COL23A1: variants seen among roughly 807,000 people sequenced by gnomAD.
COL23A1 encodes collagen alpha-1(XXIII) chain.
A neutral mutation model predicts 99.3 loss-of-function variants in COL23A1; 97 were observed. That is an observed-to-expected ratio of 0.98 (90% confidence interval 0.83 to 1.16). The LOEUF is 1.16. COL23A1 is among the 50% of genes most tolerant of loss of function. COL23A1 has a pLI of 0.00. For synonymous variants in COL23A1, 320 were observed against 308.2 expected, an observed-to-expected ratio of 1.04 and a Z score of -0.40; for missense variants, 762 against 757.4, an observed-to-expected ratio of 1.01 and a Z score of -0.07.
intron 2 of COL23A1, among the ~76,000 whole-genome samples, chr5:178,548,760 C>A (rs1430893769): frequency 1.3e-5 from 2 of 151,964 alleles, no homozygotes; most frequent in Admixed American, 6.6e-5. Flanking sequence ...ATTGTTTTTT[C>A]ATTTTGTCAC....
intron 2 of COL23A1, among the ~76,000 whole-genome samples, chr5:178,531,256 A>T (rs146821241): frequency 5.3e-5 from 8 of 152,340 alleles, no homozygotes; most frequent in Admixed American, 1.3e-4. Flanking sequence ...TGTAGAGATA[A>T]TACAGTTCAA....
At chr5:178,585,847 G>T (rs1017609389) in intron 1 of COL23A1, among the ~76,000 whole-genome samples, 1 of 152,188 alleles carries the variant, frequency 6.6e-6, no homozygotes, top group African/African-American at 2.4e-5. Context: ...GATGAGTCAA[G>T]ATTGGCCAAA....
At chr5:178,268,352 C>A (rs1377716477) in intron 7 of COL23A1, among the ~76,000 whole-genome samples, 2 of 152,182 alleles carry the variant, frequency 1.3e-5, no homozygotes, top group Non-Finnish European at 2.9e-5. Flanking sequence ...TCCGCCTTGT[C>A]TTCCTGATGG....
At chr5:178,485,175 A>G (rs1757550930) in intron 2 of COL23A1, among the ~76,000 whole-genome samples, 3 of 152,210 alleles carry the variant, frequency 2.0e-5, no homozygotes. Context: ...TTTGTTTGTA[A>G]AGAAATGTCA....
intron 5 of COL23A1, among the ~76,000 whole-genome samples, chr5:178,278,914 T>C (rs2913837): frequency 0.86 from 131,248 of 152,232 alleles, 56,810 homozygotes; most frequent in Non-Finnish European, 0.9. Context: ...AGCCCTGGGG[T>C]AAATGAAGCC....
chr5:178,376,971 C>T (rs1763101535), intron 2 of COL23A1, among the ~76,000 whole-genome samples: 1 of 152,214 alleles, frequency 6.6e-6, no homozygotes, highest in Non-Finnish European at 1.5e-5. Context: ...GCCCTCCCTC[C>T]CCTCGGCACA....
At chr5:178,539,471 G>A (rs1290206506) in intron 2 of COL23A1, among the ~76,000 whole-genome samples, 5 of 146,916 alleles carry the variant, frequency 3.4e-5, no homozygotes, top group South Asian at 2.1e-4. Context: ...ACTTGAACCC[G>A]GGAGGCGGAG....
intron 2 of COL23A1, among the ~76,000 whole-genome samples, chr5:178,491,143 T>C (rs185128823): frequency 1.7e-4 from 24 of 143,376 alleles, no homozygotes; most frequent in African/African-American, 5.2e-4. Flanking sequence ...GACAAAGAGA[T>C]AGGAGGAGAA....
chr5:178,436,426 G>C (rs568543077), intron 2 of COL23A1, among the ~76,000 whole-genome samples: 1 of 151,890 alleles, frequency 6.6e-6, no homozygotes, highest in Admixed American at 6.6e-5. Context: ...GGGTGGGGTC[G>C]GGGTGGCTGG....
chr5:178,508,229 TAA>T (rs944421995), intron 2 of COL23A1, among the ~76,000 whole-genome samples: 58 of 152,344 alleles, frequency 3.8e-4, no homozygotes, highest in African/African-American at 1.3e-3. Flanking sequence ...ATTTCTGTAT[TAA>T]GACTCTATTC....
At chr5:178,267,399 G>C in intron 7 of COL23A1, 66 bp from the exon 8 acceptor site, 4 of 1,541,894 alleles carry the variant, frequency 2.6e-6, no homozygotes, top group Non-Finnish European at 2.7e-6. Flanking sequence ...TTCCCGTCGG[G>C]CATCTGTGCC....
intron 2 of COL23A1, among the ~76,000 whole-genome samples, chr5:178,526,861 C>T (rs1040594030): frequency 2.0e-5 from 3 of 152,216 alleles, no homozygotes; most frequent in African/African-American, 4.8e-5. Context: ...GTCCATCGCA[C>T]GCTCCTGCAC....
In COL23A1 at chr5:178,310,644, G is replaced by A. The variant is rs1020289312; in HGVS notation, c.362-3725C>T. On this transcript the variant is annotated intron_variant, in intron 2 of 28. Transcript: ENST00000390654. This position sits in a 1 kb window ranked among gnomAD's most constrained non-coding sequence, Gnocchi z 4.3. ...GAGCTACCGGGCAGGCGGCCTTGGC[G>A]ACCAGGGAGGCTGTTCCTCTGGGGA... 1.4e-4 allele frequency among the ~76,000 whole-genome samples: 21 copies of A among 152,254 alleles called. No homozygotes were observed. The highest frequency in any genetic ancestry group is 7.2e-4 in the Admixed American group (11 of 15,304).
At chr5:178,249,683 A>AAC (rs746295532) in intron 18 of COL23A1, among the ~76,000 whole-genome samples, 15,924 of 117,550 alleles carry the variant, frequency 0.14, 1,219 homozygotes, top group African/African-American at 0.16. Flanking sequence ...TGTATAGGAT[A>AAC]ACACACACAC....
intron 1 of COL23A1, among the ~76,000 whole-genome samples, chr5:178,574,341 C>T (rs961380334): frequency 6.6e-6 from 1 of 151,704 alleles, no homozygotes; most frequent in Non-Finnish European, 1.5e-5. Flanking sequence ...TGTCAACATC[C>T]ATCTAACTCT....
chr5:178,314,703 C>T (rs941999073), intron 2 of COL23A1, among the ~76,000 whole-genome samples: 4 of 152,194 alleles, frequency 2.6e-5, no homozygotes, highest in Non-Finnish European at 5.9e-5. Context: ...GCCCCAATCT[C>T]GAGTCTACGG....
chr5:178,478,234 C>T (rs1284139839), intron 2 of COL23A1, among the ~76,000 whole-genome samples: 1 of 152,204 alleles, frequency 6.6e-6, no homozygotes, highest in African/African-American at 2.4e-5. Flanking sequence ...ATGCCATCTT[C>T]ACCAGGGCTT....
In COL23A1 at chr5:178,435,058, C is replaced by T. The variant is rs7716120; in HGVS notation, c.361+125624G>A. Among the ~76,000 whole-genome samples the T allele has an allele frequency of 3.2e-3, 487 of 152,326 alleles. 3 individuals carry two copies. The highest frequency in any genetic ancestry group is 0.01 in the African/African-American group (432 of 41,568). ...GGCGCTGTGTGCCCAGCGGGGCGAG[C>T]AATAATCTTTTCGTCTATTCCTGGC... On this transcript the variant is annotated intron_variant, in intron 2 of 28. Coordinates refer to ENST00000390654, the MANE Select transcript of COL23A1 (RefSeq NM_173465.4).
chr5:178,287,954 C>T (rs992252445), intron 5 of COL23A1, among the ~76,000 whole-genome samples: 2 of 152,206 alleles, frequency 1.3e-5, no homozygotes, highest in African/African-American at 2.4e-5. Context: ...CGAGTGATGA[C>T]GAGGAGCGGT....
Sources: gnomAD v4.1 joint callset for allele counts (sites outside exome capture counted in the v4.1 genomes callset) on GRCh38, gnomAD v4.1.1 for gene constraint, Gnocchi (gnomAD v3.1) non-coding constraint, MANE v1.5 for transcripts, NCBI Gene and HGNC (gene_info 2026-07-23, HGNC 2026-07-21) for gene names.